Variants in DEF6 observed in about 807,000 individuals in gnomAD.
DEF6 encodes the protein differentially expressed in FDCP 6 homolog.
In DEF6, 32 loss-of-function variants were observed where a neutral mutation model predicts 80.5. The observed-to-expected ratio is 0.40, with a 90% CI of 0.30 to 0.53. The LOEUF (loss-of-function observed/expected upper bound fraction) is 0.53, where lower values mean the gene tolerates loss of function less well. DEF6 is among the 20% of genes least tolerant of loss of function. DEF6 has a pLI of 0.57. For synonymous variants in DEF6, 300 were observed against 337.9 expected, an observed-to-expected ratio of 0.89 and a Z score of 1.23; for missense variants, 575 against 818.7, an observed-to-expected ratio of 0.70 and a Z score of 3.63.
rs777889512 is a variant in DEF6 at position 35,312,384 on chromosome 6, A to G, written c.506A>G (p.Glu169Gly). 3 of 1,614,102 alleles carry G rather than the reference A, an allele frequency of 1.9e-6. No individual in the cohort carries two copies. Among genetic ancestry groups the G allele is most frequent in the Non-Finnish European group, 2.5e-6 (3 of 1,180,014 alleles). The stretch of plus-strand genomic sequence containing the variant: ...GAGCTGGAGGAGCTTCTGGCCCAGG[A>G]GGCCCAGGTGGCCCAGACCACCGGG... ...LGELEELLAQEAQVAQTTGGL... is the reference protein window; with the variant it reads ...LGELEELLAQGAQVAQTTGGL... The change falls in exon 4 of 11, where the codon GAG (glutamate) becomes GGG (glycine). Residue 169 changes from glutamate to glycine, a missense_variant. By Grantham distance (98) the Glu-to-Gly change is moderately conservative (BLOSUM62 -2). Transcript: ENST00000316637. The surrounding 1 kb of genome is among the most constrained non-coding windows in gnomAD (Gnocchi z 6.6).
At chr6:35,315,006 G>A (rs1203527251) in intron 5 of DEF6, among the ~76,000 whole-genome samples, 4 of 152,128 alleles carry the variant, frequency 2.6e-5, no homozygotes, top group African/African-American at 7.2e-5. Context: ...AGTTTTCCCA[G>A]AACCATTTAT....
At position 35,312,209 on chromosome 6, in the gene DEF6, C is replaced by T; in HGVS notation, c.424-93C>T. ...ACGCTCTGTCCCCTGTTTCCCTCTG[C>T]CCAGGCTCTGGGAGCCAGATAGAGC... On this transcript the variant is annotated intron_variant, in intron 3 of 10. Transcript: ENST00000316637. This position sits in a 1 kb window ranked among gnomAD's most constrained non-coding sequence, Gnocchi z 6.6. The T allele has an allele frequency of 9.2e-7, 1 of 1,088,926 alleles. No individual in the cohort carries two copies. Among genetic ancestry groups the T allele is most frequent in the Non-Finnish European group, 1.4e-6 (1 of 739,572 alleles). 67.5% of individuals were successfully genotyped at this position (1,088,926 alleles called of 1,614,324 possible). A position where few individuals can be genotyped will look rare whatever the true frequency, so the allele number is the denominator to read the frequency against.
At chr6:35,310,727 G>A in intron 3 of DEF6, 83 bp downstream of exon 3, 2 of 1,434,782 alleles carry the variant, frequency 1.4e-6, no homozygotes, top group African/African-American at 1.4e-5. Context: ...ACCACCTTTG[G>A]TGCCTTCCCA....
chr6:35,310,369 G>T (rs1299400934), intron 2 of DEF6, 90 bp from the exon 3 acceptor site: 4 of 1,407,964 alleles, frequency 2.8e-6, no homozygotes, highest in Non-Finnish European at 3.9e-6. Context: ...GGGGAGCAGG[G>T]GCATAGATGA....
intron 1 of DEF6, among the ~76,000 whole-genome samples, chr6:35,306,411 C>T (rs1265865623): frequency 6.6e-6 from 1 of 151,256 alleles, no homozygotes; most frequent in Non-Finnish European, 1.5e-5. Context: ...TTCGGGAAGC[C>T]GAGGAAGGAG....
chr6:35,309,555 G>C (rs895043664), intron 1 of DEF6, 115 bp from the exon 2 acceptor site: 1 of 1,173,394 alleles, frequency 8.5e-7, no homozygotes, highest in African/African-American at 1.5e-5. Flanking sequence ...TGAACAGTGT[G>C]TGTAGAGAAC....
intron 2 of DEF6, 78 bp from the exon 3 acceptor site, chr6:35,310,381 C>A: frequency 6.5e-7 from 1 of 1,531,036 alleles, no homozygotes; most frequent in South Asian, 1.1e-5. Flanking sequence ...CATAGATGAA[C>A]CCAAGAAACC....
At chr6:35,304,502 C>T (rs552421306) in intron 1 of DEF6, among the ~76,000 whole-genome samples, 6 of 152,308 alleles carry the variant, frequency 3.9e-5, no homozygotes, top group African/African-American at 1.4e-4. Context: ...TATGCCTGAC[C>T]TGCTGGAGGA....
Position 35,312,458 on chromosome 6 carries a change from C to G in DEF6, c.580C>G (p.Leu194Val). The G allele has an allele frequency of 6.2e-7, 1 of 1,614,178 alleles. No homozygotes were observed. Among genetic ancestry groups the G allele is most frequent in the Non-Finnish European group, 8.5e-7 (1 of 1,180,048 alleles). ...GGAGCTCTTCAATTCGGGCCGCTGC[C>G]TGCGGGGCGTGGGCCGGGACACCCT... ...FLELFNSGRCLRGVGRDTLSM... is the reference protein window; with the variant it reads ...FLELFNSGRCVRGVGRDTLSM... The change falls in exon 4 of 11, where the codon CTG becomes GTG. Residue 194 changes from leucine (L) to valine (V), a missense_variant. Transcript: ENST00000316637. The surrounding 1 kb of genome is among the most constrained non-coding windows in gnomAD (Gnocchi z 6.6).
At position 35,312,723 on chromosome 6, in the gene DEF6, G is replaced by A. The variant is rs1264164950; in HGVS notation, c.758G>A (p.Cys253Tyr). 6.2e-7 allele frequency: 1 copy of A among 1,613,148 alleles called. No homozygotes were observed. Among genetic ancestry groups the A allele is most frequent in the East Asian group, 2.2e-5 (1 of 44,860 alleles). ...SCLCYFGSEE[C>Y]KEKRGIIPLD... ...CTCTGCTACTTTGGGAGTGAAGAGT[G>A]CAAAGAGAAAAGGGGCATTATCCCG... Residue 253 changes from cysteine (C) to tyrosine (Y), a missense_variant, in exon 5 of 11, where the codon TGC becomes TAC. Transcript: ENST00000316637. The surrounding 1 kb of genome is among the most constrained non-coding windows in gnomAD (Gnocchi z 6.6).
intron 1 of DEF6, among the ~76,000 whole-genome samples, chr6:35,298,578 G>A (rs1180726427): frequency 2.0e-5 from 3 of 152,158 alleles, no homozygotes; most frequent in Admixed American, 6.5e-5. Context: ...TGAGACCTCA[G>A]GTAGGGAAGG....
chr6:35,309,235 T>C (rs1195781990), intron 1 of DEF6, among the ~76,000 whole-genome samples: 2 of 152,214 alleles, frequency 1.3e-5, no homozygotes, highest in Admixed American at 6.5e-5. Context: ...CTGATGGAGA[T>C]GGATTTGAAC....
At chr6:35,298,429 C>G (rs1024146301) in intron 1 of DEF6, among the ~76,000 whole-genome samples, 4 of 152,216 alleles carry the variant, frequency 2.6e-5, no homozygotes, top group Non-Finnish European at 5.9e-5. Flanking sequence ...AGTCCCAAAC[C>G]TGTCTGGCCT....
rs149576902 is a variant in DEF6 at position 35,306,682 on chromosome 6, G to A, written c.97-2988G>A. Reference sequence around the variant, plus strand: ...CTGAAATACTAGTTTCATATAATTCGACCTAATCTTTGCACATGTATTTGA... The same window carrying A: ...CTGAAATACTAGTTTCATATAATTCAACCTAATCTTTGCACATGTATTTGA... On this transcript the variant is annotated intron_variant, in intron 1 of 10. Transcript: ENST00000316637. Among the ~76,000 whole-genome samples, 153 of 152,208 alleles carry A rather than the reference G, an allele frequency of 1.0e-3. 1 individual carries two copies. Among genetic ancestry groups the A allele is most frequent in the African/African-American group, 3.6e-3 (148 of 41,522 alleles).
At chr6:35,315,120 T>C (rs556043084) in intron 5 of DEF6, among the ~76,000 whole-genome samples, 2 of 152,348 alleles carry the variant, frequency 1.3e-5, no homozygotes, top group East Asian at 1.9e-4. Flanking sequence ...TTCTGTTCCA[T>C]TGGTCTTTGT....
At chr6:35,308,986 C>A (rs1266700518) in intron 1 of DEF6, among the ~76,000 whole-genome samples, 1 of 152,174 alleles carries the variant, frequency 6.6e-6, no homozygotes, top group Non-Finnish European at 1.5e-5. Flanking sequence ...ACCATTATGA[C>A]CACTATCCCT....
At position 35,299,085 on chromosome 6, in the gene DEF6, A is replaced by T. The variant is rs577189935; in HGVS notation, c.96+1133A>T. 3.3e-5 allele frequency among the ~76,000 whole-genome samples: 5 copies of T among 152,212 alleles called. No individual in the cohort carries two copies. In the South Asian group the frequency reaches 1.0e-3, roughly 32 times the overall value. ...GGATGTGAGGAACTTGAATATCCCA[A>T]ACTGGTCCTATGTTAAATTCCTTAC... On this transcript the variant is annotated intron_variant, in intron 1 of 10. Transcript: ENST00000316637.
chr6:35,298,805 C>A (rs948197927), intron 1 of DEF6, among the ~76,000 whole-genome samples: 2 of 152,160 alleles, frequency 1.3e-5, no homozygotes, highest in Non-Finnish European at 2.9e-5. Context: ...GGCCTCAGCT[C>A]TCTAGGACCT....
At position 35,321,732 on chromosome 6, in the gene DEF6, T is replaced by C. The variant is rs1412689496; in HGVS notation, c.*322T>C. On this transcript the variant is annotated 3_prime_UTR_variant, in exon 11 of 11. Transcript: ENST00000316637. ...CTGCCCCCAGGTGGCCACCAAGTTG[T>C]GGAAGCACATTTCTAAATAAAAACT... is the stretch of plus-strand genomic sequence containing the variant. The C allele has an allele frequency of 3.9e-6, 1 of 254,434 alleles. No individual in the cohort carries two copies. The highest frequency in any genetic ancestry group is 7.4e-6 in the Non-Finnish European group (1 of 134,466). The allele number at this position is 254,434 out of a possible 1,614,324, so 15.8% of individuals were successfully genotyped here.
Sources: allele counts gnomAD v4.1 joint callset (sites outside exome capture counted in the v4.1 genomes callset), GRCh38; gene constraint gnomAD v4.1.1; non-coding constraint Gnocchi (gnomAD v3.1); transcripts MANE v1.5; gene names NCBI Gene and HGNC (gene_info 2026-07-23, HGNC 2026-07-21).